Variants in LHPP observed in about 807,000 individuals in gnomAD.
LHPP encodes hLHPP.
LHPP carries 24 observed loss-of-function variants against 30.3 expected under a neutral mutation model. The observed-to-expected ratio is 0.79, with a 90% confidence interval of 0.57 to 1.11. The LOEUF is 1.11. Ranked by LOEUF, LHPP falls within the 50% of genes most tolerant of loss-of-function variation. The pLI, the probability that LHPP is intolerant of heterozygous loss-of-function variation, is 0.00. For missense variants in LHPP, 356 were observed against 367.2 expected (o/e 0.97, Z 0.25); for synonymous variants, 150 against 157.1 (o/e 0.95, Z 0.34).
At chr10:124,575,480 A>T (rs1257601675) in intron 6 of LHPP, among the ~76,000 whole-genome samples, 2 of 151,846 alleles carry the variant, frequency 1.3e-5, no homozygotes, top group African/African-American at 4.8e-5. Context: ...TCTCTGCAGG[A>T]CCCCTGCTTT....
Position 124,517,040 on chromosome 10 carries a change from A to G in LHPP, c.625-140A>G. The G allele has an allele frequency of 1.7e-6, 1 of 590,622 alleles. No individual in the cohort carries two copies. The highest frequency in any genetic ancestry group is 2.9e-6 in the Non-Finnish European group (1 of 340,948). 36.6% of individuals were successfully genotyped at this position (590,622 alleles called of 1,614,324 possible). The stretch of plus-strand genomic sequence containing the variant: ...GGGTTGACTTTTAATCAATACGATG[A>G]CAATATTATCTTGTTTAATTTGTAT... On this transcript the variant is annotated intron_variant, in intron 5 of 6. Transcript: ENST00000368842. This position sits in a 1 kb window ranked among gnomAD's most constrained non-coding sequence, Gnocchi z 4.1.
At chr10:124,540,470 TCA>T (rs1381586152) in intron 6 of LHPP, among the ~76,000 whole-genome samples, 1 of 152,214 alleles carries the variant, frequency 6.6e-6, no homozygotes, top group Admixed American at 6.5e-5. Context: ...CTGACGGCTC[TCA>T]GTTTCCCTTT....
Position 124,496,906 on chromosome 10 carries a change from C to A in LHPP, c.468-55C>A. 1 of 1,512,618 alleles carries A rather than the reference C, an allele frequency of 6.6e-7. No homozygotes were observed. Among genetic ancestry groups the A allele is most frequent in the Non-Finnish European group, 9.1e-7 (1 of 1,095,962 alleles). 93.7% of individuals were successfully genotyped at this position (1,512,618 alleles called of 1,614,324 possible). On this transcript the variant is annotated intron_variant, in intron 3 of 6. Transcript: ENST00000368842. This position sits in a 1 kb window ranked among gnomAD's most constrained non-coding sequence, Gnocchi z 4.3. ...GTGCTCAGCTCCCGATACTTAGCAT[C>A]CTGCGGTCAGCTCCCCGTGCTCAGC...
intron 6 of LHPP, among the ~76,000 whole-genome samples, chr10:124,577,456 T>G (rs1948678393): frequency 6.6e-6 from 1 of 152,220 alleles, no homozygotes; most frequent in Admixed American, 6.5e-5. Context: ...AACTGTCAGT[T>G]GAGACTCTCC....
chr10:124,463,599 C>T (rs9664627), intron 1 of LHPP, among the ~76,000 whole-genome samples: 1,924 of 151,978 alleles, frequency 0.013, 40 homozygotes, highest in African/African-American at 0.042. Context: ...CTGACCTCAA[C>T]TGATCCACCT....
rs1331423919 is a variant in LHPP at position 124,507,059 on chromosome 10, T to TCG, written c.624+8931_624+8932insCG. On this transcript the variant is annotated intron_variant, in intron 5 of 6. Coordinates refer to ENST00000368842, the MANE Select transcript of LHPP (RefSeq NM_022126.4). ...TGAGGGGGGTAGGGAGGATTTCAGG[T>TCG]GTAGGGGTAGACAGGATTTCAGGTG... is the stretch of plus-strand genomic sequence containing the variant. Among the ~76,000 whole-genome samples the TCG allele has an allele frequency of 1.2e-3, 9 of 7,780 alleles. 1 individual carries two copies. Among genetic ancestry groups the TCG allele is most frequent in the Non-Finnish European group, 1.7e-3 (8 of 4,666 alleles). 5.1% of individuals were successfully genotyped at this position (7,780 alleles called of 152,430 possible).
At chr10:124,565,646 G>A (rs12768929) in intron 6 of LHPP, among the ~76,000 whole-genome samples, 15,992 of 152,236 alleles carry the variant, frequency 0.11, 1,018 homozygotes, top group South Asian at 0.2. Flanking sequence ...CACGCCGTGC[G>A]CCCCAGGCGG....
At chr10:124,530,101 C>G (rs1360783651) in intron 6 of LHPP, among the ~76,000 whole-genome samples, 1 of 152,140 alleles carries the variant, frequency 6.6e-6, no homozygotes, top group African/African-American at 2.4e-5. Flanking sequence ...GAGGGAGGAA[C>G]CTGGTGAAGC....
At chr10:124,538,106 G>A (rs1381913935) in intron 6 of LHPP, among the ~76,000 whole-genome samples, 4 of 152,088 alleles carry the variant, frequency 2.6e-5, no homozygotes, top group Non-Finnish European at 1.5e-5. Context: ...GGGTCACCAT[G>A]CGAGTCTCAC....
intron 5 of LHPP, among the ~76,000 whole-genome samples, chr10:124,505,255 T>A (rs1954031602): frequency 6.6e-6 from 1 of 152,242 alleles, no homozygotes; most frequent in African/African-American, 2.4e-5. Context: ...TCAAATGAAC[T>A]GTGTCTTATG....
chr10:124,559,079 C>T (rs183770342), intron 6 of LHPP, among the ~76,000 whole-genome samples: 177 of 152,276 alleles, frequency 1.2e-3, no homozygotes, highest in African/African-American at 3.2e-3. Flanking sequence ...TTACCATGCA[C>T]AAGGGCCAGG....
At chr10:124,530,813 C>T (rs555059155) in intron 6 of LHPP, among the ~76,000 whole-genome samples, 12 of 152,320 alleles carry the variant, frequency 7.9e-5, no homozygotes, top group African/African-American at 2.9e-4. Flanking sequence ...AACACCACAG[C>T]GCACAGGGCC....
At chr10:124,484,829 G>A (rs1190661653) in intron 2 of LHPP, among the ~76,000 whole-genome samples, 2 of 152,190 alleles carry the variant, frequency 1.3e-5, no homozygotes, top group African/African-American at 4.8e-5. Flanking sequence ...AAATGGCGTA[G>A]GAACAAGGTT....
chr10:124,484,894 G>T (rs192658471), intron 2 of LHPP, among the ~76,000 whole-genome samples: 219 of 152,220 alleles, frequency 1.4e-3, no homozygotes, highest in African/African-American at 5.0e-3. Context: ...GACCCTCAGT[G>T]GGGAGGTTTT....
intron 6 of LHPP, among the ~76,000 whole-genome samples, chr10:124,580,531 G>T (rs1247967834): frequency 6.6e-6 from 1 of 152,066 alleles, no homozygotes; most frequent in African/African-American, 2.4e-5. Context: ...TTCTCTCACT[G>T]ACTTATAATG....
Position 124,461,964 on chromosome 10 carries a change from C to G in LHPP, c.102C>G (p.Ala34=). The change falls in exon 1 of 7, where the codon GCC becomes GCG. Residue 34 remains alanine, a synonymous_variant. Transcript: ENST00000368842. The part of the protein sequence containing the change: ...DSGAGGGTAI[A]GSVEAVARLK... ...GCGCGGGCGGCGGCACGGCCATCGC[C>G]GGCTCGGTGGAGGCGGTGGCCAGGT... The G allele has an allele frequency of 8.2e-7, 1 of 1,224,726 alleles. No homozygotes were observed. The highest frequency in any genetic ancestry group is 1.0e-6 in the Non-Finnish European group (1 of 979,644). The allele number at this position is 1,224,726 out of a possible 1,614,324, so 75.9% of individuals were successfully genotyped here.
chr10:124,605,554 T>G (rs1949080540), intron 6 of LHPP: 1 of 152,158 alleles, frequency 6.6e-6, no homozygotes, highest in Non-Finnish European at 1.5e-5. Flanking sequence ...AGTTTGCAGG[T>G]GGAGCAGGTT....
chr10:124,538,365 C>T (rs1955092149), intron 6 of LHPP, among the ~76,000 whole-genome samples: 1 of 152,218 alleles, frequency 6.6e-6, no homozygotes, highest in South Asian at 2.1e-4. Context: ...TCCTGGGTGC[C>T]TTCTCTCAGC....
rs150561695 is a variant in LHPP at position 124,573,087 on chromosome 10, T to C, written c.717-40177T>C. ...GGTAAATAATGTTGCTTCTAGTTTT[T>C]TGCTACTTAAGCAGTGTCACAGTGA... is the stretch of plus-strand genomic sequence containing the variant. On this transcript the variant is annotated intron_variant, in intron 6 of 6. Transcript: ENST00000368842. 3.2e-3 allele frequency among the ~76,000 whole-genome samples: 482 copies of C among 152,368 alleles called. 2 individuals are homozygous for C. The highest frequency in any genetic ancestry group is 4.8e-3 in the Non-Finnish European group (327 of 68,038).
Sources: allele counts gnomAD v4.1 joint callset (sites outside exome capture counted in the v4.1 genomes callset), GRCh38; gene constraint gnomAD v4.1.1; non-coding constraint Gnocchi (gnomAD v3.1); transcripts MANE v1.5; gene names NCBI Gene and HGNC (gene_info 2026-07-23, HGNC 2026-07-21).